Variants in PRKCB observed in about 807,000 individuals in gnomAD.
PRKCB encodes the protein protein kinase C beta type.
Under a neutral mutation model 81.5 loss-of-function variants are expected in PRKCB, and 13 were observed. The observed-to-expected ratio is 0.16, with a 90% confidence interval of 0.10 to 0.25. PRKCB has a LOEUF of 0.25. Ranked by LOEUF, PRKCB falls within the 10% of genes least tolerant of loss-of-function variation. The pLI is 1.00. For missense variants in PRKCB, 509 were observed against 875.7 expected (o/e 0.58, Z 5.29); for synonymous variants, 335 against 321.4 (o/e 1.04, Z -0.45).
chr16:24,149,345 A>G (rs867600321), intron 9 of PRKCB, among the ~76,000 whole-genome samples: 1 of 152,362 alleles, frequency 6.6e-6, no homozygotes, highest in South Asian at 2.1e-4. Flanking sequence ...CTATGGGGAC[A>G]GCTCTCAAAA....
At chr16:24,118,543 A>T (rs1966761852) in intron 8 of PRKCB, among the ~76,000 whole-genome samples, 1 of 152,102 alleles carries the variant, frequency 6.6e-6, no homozygotes, top group Non-Finnish European at 1.5e-5. Context: ...GTGGCAGAGG[A>T]ATCTGCAGTT....
chr16:23,905,855 T>C (rs1170763892), intron 2 of PRKCB, among the ~76,000 whole-genome samples: 1 of 152,226 alleles, frequency 6.6e-6, no homozygotes, highest in Non-Finnish European at 1.5e-5. Context: ...AGCTTTTCCT[T>C]TTAATAATGT....
intron 16 of PRKCB, 23 bp from the exon 17 acceptor site, chr16:24,214,635 G>A: frequency 6.3e-7 from 1 of 1,599,110 alleles, no homozygotes; most frequent in Non-Finnish European, 8.5e-7. Context: ...CCCACCACAA[G>A]TTCTTTTCTT....
intron 2 of PRKCB, among the ~76,000 whole-genome samples, chr16:23,877,666 C>T (rs749147036): frequency 2.0e-5 from 3 of 152,120 alleles, no homozygotes; most frequent in African/African-American, 7.2e-5. Context: ...GTGTGAGTCC[C>T]CATGTTCTCA....
At position 23,988,581 on chromosome 16, in the gene PRKCB, A is replaced by T. The variant is rs758927501; in HGVS notation, c.279A>T (p.Pro93=). Residue 93 remains proline (P), a synonymous_variant, in exon 3 of 17, where the codon CCA becomes CCT. Transcript: ENST00000643927. ...CCTGCCCTGGCGCTGACAAGGGTCC[A>T]GCCTCCGATGTAAGTAATGGGCATC... ...TFSCPGADKG[P]ASDDPRSKHK... The T allele has an allele frequency of 2.5e-5, 40 of 1,614,008 alleles. No individual in the cohort carries two copies. Among genetic ancestry groups the T allele is most frequent in the Non-Finnish European group, 3.3e-5 (39 of 1,179,886 alleles).
intron 2 of PRKCB, among the ~76,000 whole-genome samples, chr16:23,913,800 G>T (rs1963697139): frequency 6.6e-6 from 1 of 152,136 alleles, no homozygotes; most frequent in Non-Finnish European, 1.5e-5. Context: ...TCCTGTGCAG[G>T]TGATGTTTGG....
intron 8 of PRKCB, among the ~76,000 whole-genome samples, chr16:24,117,099 G>A (rs772835051): frequency 6.9e-6 from 1 of 145,590 alleles, no homozygotes; most frequent in African/African-American, 2.8e-5. Flanking sequence ...CCAACAGACC[G>A]AAAATTGTTC....
chr16:24,192,358 C>T (rs544767238), intron 16 of PRKCB, among the ~76,000 whole-genome samples: 1 of 152,308 alleles, frequency 6.6e-6, no homozygotes, highest in Admixed American at 6.5e-5. Context: ...CCTGCTGCTG[C>T]TATTCCTTAA....
Position 23,875,665 on chromosome 16 carries a change from T to C in PRKCB, c.205+38259T>C, listed in dbSNP as rs560021368. Among the ~76,000 whole-genome samples the C allele has an allele frequency of 3.4e-4, 44 of 129,664 alleles. 1 individual carries two copies. The highest frequency in any genetic ancestry group is 1.6e-3 in the South Asian group (6 of 3,836). 85.1% of individuals were successfully genotyped at this position (129,664 alleles called of 152,430 possible). A position where few individuals can be genotyped will look rare whatever the true frequency, so the allele number is the denominator to read the frequency against. ...TATATGTATGTATATCACACATATA[T>C]ATGTATGTATATCACACACATATAT... On this transcript the variant is annotated intron_variant, in intron 2 of 16. Transcript: ENST00000643927.
intron 2 of PRKCB, among the ~76,000 whole-genome samples, chr16:23,930,234 A>T (rs1210182581): frequency 1.3e-5 from 2 of 152,104 alleles, no homozygotes; most frequent in Non-Finnish European, 2.9e-5. Context: ...GATTGTATGG[A>T]TGGGCAGGTG....
chr16:23,941,274 AAACCAAT>A (rs1245875385), intron 2 of PRKCB, among the ~76,000 whole-genome samples: 10 of 152,232 alleles, frequency 6.6e-5, no homozygotes, highest in Non-Finnish European at 1.3e-4. Flanking sequence ...CCTCTAGTCT[AAACCAAT>A]AACAAGAAGG....
rs369971253 is a variant in PRKCB, at chr16:24,174,472, G to A, written c.1332-46G>A. On this transcript the variant is annotated intron_variant, in intron 11 of 16. Transcript: ENST00000643927. ...AATTCTGAGCATTGCCAAGCATATGGTGTCCTTGAGTTTCTCCATCGCTTT... is the reference window on the plus strand; with the variant it reads ...AATTCTGAGCATTGCCAAGCATATGATGTCCTTGAGTTTCTCCATCGCTTT... The A allele has an allele frequency of 3.3e-5, 50 of 1,532,076 alleles. No individual in the cohort carries two copies. In the African/African-American group the frequency reaches 6.2e-4, roughly 19 times the overall value. 94.9% of individuals were successfully genotyped at this position (1,532,076 alleles called of 1,614,324 possible).
chr16:23,883,643 TTGTC>T (rs1240039274), intron 2 of PRKCB, among the ~76,000 whole-genome samples: 4 of 152,116 alleles, frequency 2.6e-5, no homozygotes, highest in Non-Finnish European at 5.9e-5. Flanking sequence ...GATGGTGTCT[TTGTC>T]TGCACGGGCA....
intron 16 of PRKCB, among the ~76,000 whole-genome samples, chr16:24,206,590 G>C (rs1968049555): frequency 6.6e-6 from 1 of 152,092 alleles, no homozygotes; most frequent in Non-Finnish European, 1.5e-5. Context: ...TCTTCTCCAG[G>C]CTCTTTCCTT....
chr16:23,947,884 G>A (rs554402826), intron 2 of PRKCB, among the ~76,000 whole-genome samples: 8 of 51,830 alleles, frequency 1.5e-4, no homozygotes, highest in East Asian at 6.0e-4. Flanking sequence ...CTCTGGAGCC[G>A]CTTTTTTTTT....
At chr16:23,981,743 C>T (rs1596496711) in intron 2 of PRKCB, among the ~76,000 whole-genome samples, 1 of 79,524 alleles carries the variant, frequency 1.3e-5, no homozygotes, top group African/African-American at 5.3e-5. Flanking sequence ...CCTTCCCTTC[C>T]CCTTCCCTTC....
At chr16:24,132,773 T>G in intron 9 of PRKCB, among the ~76,000 whole-genome samples, 1 of 142,816 alleles carries the variant, frequency 7.0e-6, no homozygotes, top group Non-Finnish European at 1.5e-5. Flanking sequence ...ATTTGGGGCT[T>G]TTTTTTTTTT....
chr16:23,898,502 A>G (rs755874037), intron 2 of PRKCB, among the ~76,000 whole-genome samples: 2 of 152,178 alleles, frequency 1.3e-5, no homozygotes, highest in African/African-American at 2.4e-5. Flanking sequence ...AAATAATTAC[A>G]CAGGTAATAA....
intron 2 of PRKCB, among the ~76,000 whole-genome samples, chr16:23,844,739 C>T (rs932605093): frequency 9.2e-5 from 14 of 151,666 alleles, no homozygotes; most frequent in African/African-American, 2.9e-4. Flanking sequence ...GATCTCCTGA[C>T]ATTGTGATCC....
Sources: allele counts gnomAD v4.1 joint callset (sites outside exome capture counted in the v4.1 genomes callset), GRCh38; gene constraint gnomAD v4.1.1; transcripts MANE v1.5; gene names NCBI Gene and HGNC (gene_info 2026-07-23, HGNC 2026-07-21).